PAM: variants seen among roughly 807,000 people sequenced by gnomAD.
PAM encodes peptidyl-glycine alpha-amidating monooxygenase.
In PAM, 72 loss-of-function variants were observed where a neutral mutation model predicts 122.1. That is an observed-to-expected ratio of 0.59 (90% CI 0.49 to 0.72). The LOEUF (loss-of-function observed/expected upper bound fraction) is 0.72, where lower values mean the gene tolerates loss of function less well. Ranked by LOEUF, PAM falls within the 30% of genes least tolerant of loss-of-function variation. PAM has a pLI of 0.00. For missense variants in PAM, 1,106 were observed against 1,183.7 expected, an observed-to-expected ratio of 0.93 and a Z score of 0.96; for synonymous variants, 389 against 404.4, an observed-to-expected ratio of 0.96 and a Z score of 0.46.
intron 12 of PAM, among the ~76,000 whole-genome samples, chr5:102,957,335 C>A (rs1761064124): frequency 6.6e-6 from 1 of 152,098 alleles, no homozygotes; most frequent in African/African-American, 2.4e-5. Context: ...CTGGAACACA[C>A]AGCAACACAA....
intron 14 of PAM, among the ~76,000 whole-genome samples, chr5:102,970,363 A>G (rs1765437449): frequency 1.3e-5 from 2 of 152,202 alleles, no homozygotes; most frequent in Admixed American, 1.3e-4. Flanking sequence ...ATTAGGTTGG[A>G]CAGTGCAGAC....
In PAM at chr5:103,022,677, T is replaced by C. The variant is rs140216329; in HGVS notation, c.2486-2454T>C. On this transcript the variant is annotated intron_variant, in intron 23 of 25. Transcript: ENST00000438793. ...TTATATGACAAAAGAATGGTCATTC[T>C]AGGTGCCTCCTGTTTTCCAGAAACC... is the stretch of plus-strand genomic sequence containing the variant. 9.3e-4 allele frequency among the ~76,000 whole-genome samples: 141 copies of C among 152,288 alleles called. 1 individual carries two copies. Among genetic ancestry groups the C allele is most frequent in the African/African-American group, 3.3e-3 (138 of 41,568 alleles).
intron 1 of PAM, among the ~76,000 whole-genome samples, chr5:102,849,296 C>T (rs1170827796): frequency 1.3e-5 from 2 of 152,144 alleles, no homozygotes; most frequent in Non-Finnish European, 1.5e-5. Flanking sequence ...GTGCCTCACG[C>T]CTGTAATCCC....
chr5:102,832,431 C>T (rs1462562591), intron 1 of PAM, among the ~76,000 whole-genome samples: 2 of 151,984 alleles, frequency 1.3e-5, no homozygotes, highest in Non-Finnish European at 2.9e-5. Flanking sequence ...CACTAGATTC[C>T]TGGAACCATA....
chr5:102,845,981 T>C (rs1779849816), intron 1 of PAM, among the ~76,000 whole-genome samples: 1 of 152,210 alleles, frequency 6.6e-6, no homozygotes, highest in Admixed American at 6.5e-5. Flanking sequence ...CCTTAGGCTG[T>C]AGTAGTTTCT....
At position 102,780,751 on chromosome 5, in the gene PAM, T is replaced by C. The variant is rs201773681; in HGVS notation, c.-374+25403T>C. ...TTAACCTCAGCACCTTTTTCTTTCT[T>C]TCTCTTTCTTTCTTTCTTTCTTTCT... On this transcript the variant is annotated intron_variant, in intron 1 of 25. Transcript: ENST00000438793. Among the ~76,000 whole-genome samples, 232 of 139,880 alleles carry C rather than the reference T, an allele frequency of 1.7e-3. 2 individuals are homozygous for C. The highest frequency in any genetic ancestry group is 7.7e-3 in the East Asian group (32 of 4,132). 91.8% of individuals were successfully genotyped at this position (139,880 alleles called of 152,430 possible).
At chr5:102,994,286 A>C (rs576492694) in intron 16 of PAM, among the ~76,000 whole-genome samples, 47 of 152,254 alleles carry the variant, frequency 3.1e-4, no homozygotes, top group African/African-American at 1.1e-3. Flanking sequence ...TATTTTACCT[A>C]AATCTGAGTC....
At chr5:102,987,485 G>A in intron 15 of PAM, 1 of 448,676 alleles carries the variant, frequency 2.2e-6, no homozygotes. Flanking sequence ...GGTAAATATA[G>A]TTAACAACAA....
intron 1 of PAM, among the ~76,000 whole-genome samples, chr5:102,804,233 C>T (rs556991123): frequency 2.0e-5 from 3 of 152,170 alleles, no homozygotes; most frequent in Non-Finnish European, 2.9e-5. Context: ...TAGCAGCTCA[C>T]GGGGGAGCCT....
intron 15 of PAM, among the ~76,000 whole-genome samples, chr5:102,979,030 T>TCACACACACA (rs10578523): frequency 1.4e-5 from 2 of 147,812 alleles, no homozygotes; most frequent in African/African-American, 5.0e-5. Flanking sequence ...TTATTCTGCA[T>TCACACACACA]CACACACACA....
At chr5:102,799,465 T>G (rs913473608) in intron 1 of PAM, among the ~76,000 whole-genome samples, 1 of 152,216 alleles carries the variant, frequency 6.6e-6, no homozygotes, top group Non-Finnish European at 1.5e-5. Context: ...TCTCCAGAGT[T>G]GGATACACCC....
chr5:102,874,581 T>C (rs1421374074), intron 3 of PAM, among the ~76,000 whole-genome samples: 2 of 152,122 alleles, frequency 1.3e-5, no homozygotes, highest in African/African-American at 4.8e-5. Context: ...AGATTTTTTA[T>C]TTCTTATAAA....
At chr5:102,807,589 A>T (rs1766576822) in intron 1 of PAM, among the ~76,000 whole-genome samples, 1 of 152,168 alleles carries the variant, frequency 6.6e-6, no homozygotes, top group Non-Finnish European at 1.5e-5. Flanking sequence ...AGGATTTAGG[A>T]GATAAATAGA....
chr5:102,959,216 A>G (rs1228124384), intron 12 of PAM, among the ~76,000 whole-genome samples: 2 of 152,160 alleles, frequency 1.3e-5, no homozygotes, highest in Non-Finnish European at 2.9e-5. Flanking sequence ...AAAAAAGATT[A>G]GTGCTGATTT....
intron 1 of PAM, among the ~76,000 whole-genome samples, chr5:102,761,637 T>G (rs1313972525): frequency 6.6e-6 from 1 of 152,252 alleles, no homozygotes; most frequent in African/African-American, 2.4e-5. Flanking sequence ...AGTACTCATT[T>G]GTAGTGCAGT....
At chr5:102,899,088 C>G (rs1796966805) in intron 3 of PAM, among the ~76,000 whole-genome samples, 1 of 147,342 alleles carries the variant, frequency 6.8e-6, no homozygotes, top group African/African-American at 2.5e-5. Flanking sequence ...CCTCCCTTTA[C>G]CCCACCTCTC....
chr5:102,880,172 T>C (rs1425738906), intron 3 of PAM, among the ~76,000 whole-genome samples: 1 of 152,036 alleles, frequency 6.6e-6, no homozygotes. Context: ...TCCCAGCTAC[T>C]TGGGAGGCTC....
intron 1 of PAM, among the ~76,000 whole-genome samples, chr5:102,771,465 C>T (rs1251367835): frequency 2.0e-5 from 3 of 152,104 alleles, no homozygotes. Flanking sequence ...GTTTTGAAAG[C>T]ACAGCCCTCC....
intron 11 of PAM, 149 bp from the exon 12 acceptor site, chr5:102,950,568 T>C (rs1258906724): frequency 3.5e-6 from 2 of 578,190 alleles, no homozygotes; most frequent in Admixed American, 3.1e-5. Context: ...GAATGGATGC[T>C]GAAAAAGCAT....
Sources: allele counts gnomAD v4.1 joint callset (sites outside exome capture counted in the v4.1 genomes callset), GRCh38; gene constraint gnomAD v4.1.1; transcripts MANE v1.5; gene names NCBI Gene and HGNC (gene_info 2026-07-23, HGNC 2026-07-21).